The following SDK1 variants were observed in gnomAD, a reference collection of about 807,000 sequenced individuals.
The protein encoded by SDK1 is protein sidekick-1.
In SDK1, 157 loss-of-function variants were observed where a neutral mutation model predicts 245.5. That is an observed-to-expected ratio of 0.64 (90% CI 0.56 to 0.73). SDK1 has a LOEUF of 0.73. Among genes scored for constraint, SDK1 ranks in the 30% least tolerant of loss-of-function variants. The pLI, the probability that SDK1 is intolerant of heterozygous loss-of-function variation, is 0.00. For missense variants in SDK1, 3,583 were observed against 3,002.3 expected, an observed-to-expected ratio of 1.19 and a Z score of -4.52; for synonymous variants, 1,647 against 1,278.5, an observed-to-expected ratio of 1.29 and a Z score of -6.15.
At chr7:3,745,495 C>T (rs750965913) in intron 4 of SDK1, among the ~76,000 whole-genome samples, 25 of 152,000 alleles carry the variant, frequency 1.6e-4, no homozygotes, top group Admixed American at 1.6e-3. Context: ...AGAATAGAAA[C>T]GTTACTCAGT....
chr7:3,458,868 C>T (rs76038211), intron 1 of SDK1, among the ~76,000 whole-genome samples: 3,571 of 152,132 alleles, frequency 0.023, 76 homozygotes, highest in Non-Finnish European at 0.039. Flanking sequence ...TCTTAATTAC[C>T]GTAGTTTTAC....
At position 3,945,899 on chromosome 7, in the gene SDK1, TAAAAAAAAAAAAAAAAAA is replaced by T. The variant is rs754101246; in HGVS notation, c.848-5007_848-4990del. 1.0e-3 allele frequency among the ~76,000 whole-genome samples: 14 copies of T among 13,686 alleles called. 2 individuals carry two copies. Among genetic ancestry groups the T allele is most frequent in the Admixed American group, 5.9e-3 (3 of 506 alleles). 9.0% of individuals were successfully genotyped at this position (13,686 alleles called of 152,430 possible). On this transcript the variant is annotated intron_variant, in intron 5 of 44. Coordinates refer to ENST00000404826, the MANE Select transcript of SDK1 (RefSeq NM_152744.4). ...GGGCAACAGAGCAAGACTCTGTCTG[TAAAAAAAAAAAAAAAAAA>T]AAAAAAAAAAAAAAAAGATAAAGTT...
chr7:3,936,094 A>G (rs191223846), intron 5 of SDK1, among the ~76,000 whole-genome samples: 128 of 152,354 alleles, frequency 8.4e-4, no homozygotes, highest in African/African-American at 2.9e-3. Context: ...TGCTGTATCA[A>G]TGAACCTTGG....
At chr7:3,474,951 A>C (rs1359330772) in intron 1 of SDK1, among the ~76,000 whole-genome samples, 1 of 152,190 alleles carries the variant, frequency 6.6e-6, no homozygotes, top group Non-Finnish European at 1.5e-5. Context: ...CTGGCCTACC[A>C]AAATTCTGGA....
intron 4 of SDK1, among the ~76,000 whole-genome samples, chr7:3,732,867 C>T (rs1562403539): frequency 6.6e-6 from 1 of 152,150 alleles, no homozygotes; most frequent in Non-Finnish European, 1.5e-5. Context: ...GTGTTATTCT[C>T]CCTTTCTGAC....
At chr7:3,565,244 G>A (rs6462166) in intron 1 of SDK1, among the ~76,000 whole-genome samples, 96,672 of 151,860 alleles carry the variant, frequency 0.64, 31,601 homozygotes, top group African/African-American at 0.78. Context: ...TCCCTCTTCC[G>A]GAGGTCATGA....
At chr7:3,437,759 T>G (rs1441582136) in intron 1 of SDK1, among the ~76,000 whole-genome samples, 2 of 152,084 alleles carry the variant, frequency 1.3e-5, no homozygotes, top group Non-Finnish European at 1.5e-5. Flanking sequence ...TGCCAAAAAA[T>G]TAATAATACT....
At position 3,532,426 on chromosome 7, in the gene SDK1, G is replaced by T. The variant is rs184082754; in HGVS notation, c.299-86654G>T. ...TGCTCTGGAAGGCTGCTTAATGGGA[G>T]GTCACTGACTCCTGGTACGTTAGGT... On this transcript the variant is annotated intron_variant, in intron 1 of 44. Coordinates refer to ENST00000404826, the MANE Select transcript of SDK1 (RefSeq NM_152744.4). 4.5e-3 allele frequency among the ~76,000 whole-genome samples: 687 copies of T among 152,280 alleles called. 6 individuals are homozygous for T. The highest frequency in any genetic ancestry group is 0.01 in the Middle Eastern group (3 of 294).
intron 4 of SDK1, among the ~76,000 whole-genome samples, chr7:3,747,143 G>C (rs1175097009): frequency 1.3e-5 from 2 of 152,104 alleles, no homozygotes; most frequent in Non-Finnish European, 1.5e-5. Context: ...TAGGAAACTA[G>C]GAGAGAAAAA....
chr7:3,952,187 A>G, intron 7 of SDK1: 2 of 474,958 alleles, frequency 4.2e-6, no homozygotes, highest in Non-Finnish European at 3.7e-6. Context: ...AGAGCGGTGA[A>G]ACCCCTGTCA....
chr7:3,454,266 A>T (rs1780606023), intron 1 of SDK1, among the ~76,000 whole-genome samples: 1 of 152,216 alleles, frequency 6.6e-6, no homozygotes, highest in Admixed American at 6.5e-5. Flanking sequence ...TAGATTATGA[A>T]AATCAACTCA....
At chr7:4,009,093 A>G (rs1195840872) in intron 14 of SDK1, among the ~76,000 whole-genome samples, 4 of 152,216 alleles carry the variant, frequency 2.6e-5, no homozygotes, top group South Asian at 2.1e-4. Context: ...TTTTCTTTTC[A>G]TAATAGCCAC....
intron 22 of SDK1, among the ~76,000 whole-genome samples, chr7:4,081,667 C>G (rs1045154189): frequency 1.3e-5 from 2 of 152,136 alleles, no homozygotes; most frequent in African/African-American, 4.8e-5. Flanking sequence ...ATCCGCCTGC[C>G]TCGGCCTCCC....
At chr7:3,790,557 C>A (rs1472958546) in intron 4 of SDK1, among the ~76,000 whole-genome samples, 1 of 152,192 alleles carries the variant, frequency 6.6e-6, no homozygotes, top group Non-Finnish European at 1.5e-5. Flanking sequence ...CCTGTAATCC[C>A]AGCACTTTGG....
At chr7:3,675,244 T>A (rs1425491763) in intron 4 of SDK1, among the ~76,000 whole-genome samples, 1 of 152,206 alleles carries the variant, frequency 6.6e-6, no homozygotes, top group South Asian at 2.1e-4. Flanking sequence ...CAGAAAAACC[T>A]GTTAGCTTTC....
At chr7:4,111,787 T>C (rs1338775717) in intron 23 of SDK1, among the ~76,000 whole-genome samples, 1 of 152,254 alleles carries the variant, frequency 6.6e-6, no homozygotes, top group Non-Finnish European at 1.5e-5. Context: ...CTATAGTAAA[T>C]GTATATGTGC....
intron 4 of SDK1, among the ~76,000 whole-genome samples, chr7:3,781,728 AT>A (rs1175871936): frequency 6.6e-6 from 1 of 152,136 alleles, no homozygotes; most frequent in African/African-American, 2.4e-5. Context: ...AATAGAAACA[AT>A]AAAAAAAAAC....
At chr7:3,364,565 C>T (rs895709093) in intron 1 of SDK1, among the ~76,000 whole-genome samples, 1 of 152,076 alleles carries the variant, frequency 6.6e-6, no homozygotes, top group African/African-American at 2.4e-5. Context: ...TTTTTTTGCA[C>T]CTCTCTCAAA....
At chr7:4,216,856 C>T (rs1784824900) in intron 38 of SDK1, among the ~76,000 whole-genome samples, 1 of 152,218 alleles carries the variant, frequency 6.6e-6, no homozygotes. Context: ...ACTGTGAACA[C>T]AGTCGTGGCT....
Sources: allele counts gnomAD v4.1 joint callset (sites outside exome capture counted in the v4.1 genomes callset), GRCh38; gene constraint gnomAD v4.1.1; transcripts MANE v1.5; gene names NCBI Gene and HGNC (gene_info 2026-07-23, HGNC 2026-07-21).